The following PHC2 variants were observed in gnomAD, a reference collection of about 807,000 sequenced individuals.
PHC2 encodes polyhomeotic homolog 2.
PHC2 carries 29 observed loss-of-function variants against 87.4 expected under a neutral mutation model. The observed-to-expected ratio is 0.33, with a 90% CI of 0.25 to 0.45. The LOEUF (loss-of-function observed/expected upper bound fraction) is 0.45. Among genes scored for constraint, PHC2 ranks in the 20% least tolerant of loss-of-function variants. PHC2 has a pLI of 1.00. For synonymous variants in PHC2, 438 were observed against 461.7 expected (o/e 0.95, Z 0.66); for missense variants, 857 against 1,136.7 (o/e 0.75, Z 3.54).
At chr1:33,345,640 T>C in intron 9 of PHC2, 1 of 983,634 alleles carries the variant, frequency 1.0e-6, no homozygotes, top group Non-Finnish European at 1.2e-6. Flanking sequence ...TAATTCTAAA[T>C]TGTATAATTC....
In PHC2 at chr1:33,368,754, G is replaced by A; in HGVS notation, c.577-132C>T. On this transcript the variant is annotated intron_variant, in intron 5 of 14. Coordinates refer to ENST00000683057, the MANE Select transcript of PHC2 (RefSeq NM_001385109.1). The surrounding 1 kb of genome is among the most constrained non-coding windows in gnomAD (Gnocchi z 6.6). The stretch of plus-strand genomic sequence containing the variant: ...GTGGACTCAGCCACAGGACACAACT[G>A]TTTAGCCCAGGAGCGGCTATGAGGA... 1 of 705,852 alleles carries A rather than the reference G, an allele frequency of 1.4e-6. No individual in the cohort carries two copies. The highest frequency in any genetic ancestry group is 2.5e-6 in the Non-Finnish European group (1 of 394,914). The allele number at this position is 705,852 out of a possible 1,614,324, so 43.7% of individuals were successfully genotyped here. A position where few individuals can be genotyped will look rare whatever the true frequency, so the allele number is the denominator to read the frequency against.
Position 33,368,699 on chromosome 1 carries a change from A to G in PHC2, c.577-77T>C. The G allele has an allele frequency of 9.4e-7, 1 of 1,066,436 alleles. No homozygotes were observed. Among genetic ancestry groups the G allele is most frequent in the Non-Finnish European group, 1.4e-6 (1 of 705,138 alleles). 66.1% of individuals were successfully genotyped at this position (1,066,436 alleles called of 1,614,324 possible). A position where few individuals can be genotyped will look rare whatever the true frequency, so the allele number is the denominator to read the frequency against. ...GTTACCTGGCTGGGCCTGGAATCAC[A>G]GGAAACGAGGCGCCTTTTACCTGCT... On this transcript the variant is annotated intron_variant, in intron 5 of 14. Coordinates refer to ENST00000683057, the MANE Select transcript of PHC2 (RefSeq NM_001385109.1). This position sits in a 1 kb window ranked among gnomAD's most constrained non-coding sequence, Gnocchi z 6.6.
At chr1:33,387,278 C>T (rs1648811967) in intron 1 of PHC2, among the ~76,000 whole-genome samples, 1 of 152,098 alleles carries the variant, frequency 6.6e-6, no homozygotes, top group South Asian at 2.1e-4. Flanking sequence ...GTACGGGGTG[C>T]CCTGTTTTCT....
In PHC2 at chr1:33,369,603, G is replaced by A. The variant is rs1029341813; in HGVS notation, c.576+818C>T. 2.0e-5 allele frequency among the ~76,000 whole-genome samples: 3 copies of A among 152,204 alleles called. No individual in the cohort carries two copies. Among genetic ancestry groups the A allele is most frequent in the Non-Finnish European group, 2.9e-5 (2 of 68,028 alleles). ...AACTCAGAGCCAAGAACAAATGTGC[G>A]GGAGCAAGACCAGACAAGCTCCGAG... On this transcript the variant is annotated intron_variant, in intron 5 of 14. Transcript: ENST00000683057. The surrounding 1 kb of genome is among the most constrained non-coding windows in gnomAD (Gnocchi z 4.7).
chr1:33,375,239 A>G (rs1570497331), intron 2 of PHC2, 127 bp downstream of exon 2: 2 of 727,962 alleles, frequency 2.7e-6, no homozygotes, highest in African/African-American at 3.6e-5. Context: ...GTATCTACGA[A>G]CTCACTCCCA....
rs183204548 is a variant in PHC2, at chr1:33,345,947, A to G, written c.1558+8454T>C. The stretch of plus-strand genomic sequence containing the variant: ...ACCTCTGTTTGAGTTGTGAATAAGT[A>G]GTTATCTTAAATAGGCAACTTTTTT... On this transcript the variant is annotated intron_variant, in intron 9 of 14. Coordinates refer to ENST00000683057, the MANE Select transcript of PHC2 (RefSeq NM_001385109.1). 4.4e-3 allele frequency: 4,316 copies of G among 984,790 alleles called. 11 individuals are homozygous for G. Among genetic ancestry groups the G allele is most frequent in the Non-Finnish European group, 5.0e-3 (4,125 of 829,312 alleles). 61.0% of individuals were successfully genotyped at this position (984,790 alleles called of 1,614,324 possible). A position where few individuals can be genotyped will look rare whatever the true frequency, so the allele number is the denominator to read the frequency against.
chr1:33,331,261 A>G lies in PHC2; in HGVS notation c.2006+87T>C. ...CTAGGAAACTGGAGAAGCCACCCCT[A>G]TGGACCTCCTGGGGTAGACTATTAA... On this transcript the variant is annotated intron_variant, in intron 12 of 14. Coordinates refer to ENST00000683057, the MANE Select transcript of PHC2 (RefSeq NM_001385109.1). The surrounding 1 kb of genome is among the most constrained non-coding windows in gnomAD (Gnocchi z 5.2). 3 of 683,142 alleles carry G rather than the reference A, an allele frequency of 4.4e-6. No individual in the cohort carries two copies. The highest frequency in any genetic ancestry group is 2.1e-5 in the South Asian group (1 of 47,056). 42.3% of individuals were successfully genotyped at this position (683,142 alleles called of 1,614,324 possible). A position where few individuals can be genotyped will look rare whatever the true frequency, so the allele number is the denominator to read the frequency against.
In PHC2 at chr1:33,352,773, C is replaced by T. The variant is rs568859170; in HGVS notation, c.1558+1628G>A. 5.9e-5 allele frequency among the ~76,000 whole-genome samples: 9 copies of T among 152,286 alleles called. No homozygotes were observed. In the South Asian group the frequency reaches 6.2e-4, roughly 11 times the overall value. ...GGTGGGAGAGTTCACGGGGGCCATT[C>T]GTGCACCATCCTGATGAAGGAAGGT... On this transcript the variant is annotated intron_variant, in intron 9 of 14. Transcript: ENST00000683057.
intron 1 of PHC2, among the ~76,000 whole-genome samples, chr1:33,395,449 AAAATAAAT>A (rs57375740): frequency 0.19 from 29,431 of 150,938 alleles, 2,960 homozygotes; most frequent in South Asian, 0.25. Flanking sequence ...CCTTAAGATA[AAAATAAAT>A]AAATAAATAA....
chr1:33,416,770 G>C (rs993676545), intron 1 of PHC2, among the ~76,000 whole-genome samples: 13 of 151,812 alleles, frequency 8.6e-5, no homozygotes, highest in Admixed American at 8.5e-4. Flanking sequence ...AATAATTCCA[G>C]TATAACTGCA....
At chr1:33,392,462 C>T (rs987005810) in intron 1 of PHC2, among the ~76,000 whole-genome samples, 6 of 152,168 alleles carry the variant, frequency 3.9e-5, no homozygotes, top group African/African-American at 1.2e-4. Flanking sequence ...TATACATTCT[C>T]CAGACACACT....
chr1:33,425,849 G>T (rs1218719742), intron 1 of PHC2, among the ~76,000 whole-genome samples: 1 of 152,128 alleles, frequency 6.6e-6, no homozygotes, highest in African/African-American at 2.4e-5. Flanking sequence ...TTCTTCTCAC[G>T]TTTTCTTAGG....
At chr1:33,372,586 T>TGG (rs770395594) in intron 2 of PHC2, 139 bp from the exon 3 acceptor site, 53,250 of 635,526 alleles carry the variant, frequency 0.084, 4,059 homozygotes, top group African/African-American at 0.31. Flanking sequence ...CACAGCCAAT[T>TGG]GTGGCCACTC....
chr1:33,377,329 T>C (rs1244154598), intron 1 of PHC2, among the ~76,000 whole-genome samples: 1 of 152,172 alleles, frequency 6.6e-6, no homozygotes, highest in African/African-American at 2.4e-5. Context: ...AGATAGGGTC[T>C]CTCCTAAGAC....
At chr1:33,330,727 TG>T (rs1646473490) in intron 12 of PHC2, among the ~76,000 whole-genome samples, 1 of 152,324 alleles carries the variant, frequency 6.6e-6, no homozygotes, top group African/African-American at 2.4e-5. Context: ...GCTTCCATTG[TG>T]GTACAAAGAC....
At chr1:33,417,160 A>G (rs1487064432) in intron 1 of PHC2, among the ~76,000 whole-genome samples, 2 of 152,008 alleles carry the variant, frequency 1.3e-5, no homozygotes, top group Non-Finnish European at 2.9e-5. Flanking sequence ...AATAACAAGG[A>G]CAATATGGGG....
chr1:33,397,974 A>G (rs1649364038), intron 1 of PHC2, among the ~76,000 whole-genome samples: 1 of 152,304 alleles, frequency 6.6e-6, no homozygotes, highest in African/African-American at 2.4e-5. Context: ...TTCCCTGTGC[A>G]TGTAAAAAAA....
chr1:33,358,281 C>T (rs1005647486), intron 7 of PHC2, among the ~76,000 whole-genome samples: 2 of 152,082 alleles, frequency 1.3e-5, no homozygotes, highest in African/African-American at 4.8e-5. Flanking sequence ...CCTGTGCTTC[C>T]TCTCCTATCC....
intron 1 of PHC2, among the ~76,000 whole-genome samples, chr1:33,387,535 A>G (rs1290959498): frequency 1.3e-5 from 2 of 152,208 alleles, no homozygotes; most frequent in Non-Finnish European, 2.9e-5. Flanking sequence ...CTGGTAAATG[A>G]TAATAATTCT....
Sources: allele counts gnomAD v4.1 joint callset (sites outside exome capture counted in the v4.1 genomes callset), GRCh38; gene constraint gnomAD v4.1.1; non-coding constraint Gnocchi (gnomAD v3.1); transcripts MANE v1.5; gene names NCBI Gene and HGNC (gene_info 2026-07-23, HGNC 2026-07-21).